The following PCDHA11 variants were observed in gnomAD, a reference collection of about 807,000 sequenced individuals.
PCDHA11 encodes the protein protocadherin alpha 11.
Under a neutral mutation model 70.3 loss-of-function variants are expected in PCDHA11, and 61 were observed. The ratio of observed to expected loss-of-function variants is 0.87; its 90% CI spans 0.71 to 1.07. The LOEUF (loss-of-function observed/expected upper bound fraction) is 1.07, where lower values mean the gene tolerates loss of function less well. Ranked by LOEUF, PCDHA11 falls within the 50% of genes least tolerant of loss-of-function variation. PCDHA11 has a pLI of 0.00. For synonymous variants in PCDHA11, 633 were observed against 555.1 expected (o/e 1.14, Z -1.97); for missense variants, 1,324 against 1,237.5 (o/e 1.07, Z -1.05).
rs781960813 is a variant in PCDHA11 at position 140,883,266 on chromosome 5, A to C, written c.2391+11772A>C. On this transcript the variant is annotated intron_variant, in intron 1 of 3. Transcript: ENST00000398640. ...AAAGGAAATATTCCAATGGCGGGTCATTGTACCCTTTTGGTGGAAGTACTA... is the reference window on the plus strand; with the variant it reads ...AAAGGAAATATTCCAATGGCGGGTCCTTGTACCCTTTTGGTGGAAGTACTA... 2.7e-5 allele frequency: 43 copies of C among 1,614,082 alleles called. No individual in the cohort carries two copies. In the African/African-American group the frequency reaches 4.7e-4, roughly 18 times the overall value.
In PCDHA11 at chr5:141,010,257, G is replaced by T; in HGVS notation, c.*320G>T. On this transcript the variant is annotated 3_prime_UTR_variant, in exon 4 of 4. Coordinates refer to ENST00000398640, the MANE Select transcript of PCDHA11 (RefSeq NM_018902.5). ...AGTGAGAGGTTGGACTCTCTGCCCT[G>T]TGCTCCGGGGATCCTGTCTTGATGA... 6.4e-7 allele frequency: 1 copy of T among 1,551,794 alleles called. No homozygotes were observed. The highest frequency in any genetic ancestry group is 8.7e-7 in the Non-Finnish European group (1 of 1,147,016).
At position 141,009,773 on chromosome 5, in the gene PCDHA11, A is replaced by C. The variant is rs782087059; in HGVS notation, c.2686A>C (p.Ile896Leu). ...KFIIPGSPAI[I>L]SIRQEPTNSQ... is the part of the protein sequence containing the mutation. ...CATTATCCCAGGATCTCCTGCAATC[A>C]TCTCCATCCGGCAGGAGCCTACTAA... Residue 896 changes from isoleucine to leucine, a missense_variant, in exon 4 of 4, where the codon ATC becomes CTC. Physicochemically the swap from Ile to Leu is conservative, Grantham distance 5. Transcript: ENST00000398640. 1 of 1,614,128 alleles carries C rather than the reference A, an allele frequency of 6.2e-7. No individual in the cohort carries two copies. Among genetic ancestry groups the C allele is most frequent in the East Asian group, 2.2e-5 (1 of 44,878 alleles).
At chr5:140,972,001 A>G (rs2096512667) in intron 1 of PCDHA11, among the ~76,000 whole-genome samples, 1 of 152,202 alleles carries the variant, frequency 6.6e-6, no homozygotes, top group African/African-American at 2.4e-5. Context: ...CAATGTTTAT[A>G]TTCCCTTTTA....
In PCDHA11 at chr5:140,869,686, A is replaced by T. The variant is rs782130952; in HGVS notation, c.583A>T (p.Ile195Phe). ...TAAGCAGATTAAAAGACTGTCACTT[A>T]TTTTAAAGAAGTCTCTGGATAGAGA... ...NGKQIKRLSL[I>F]LKKSLDREKT... The change falls in exon 1 of 4, where the codon ATT becomes TTT. Residue 195 changes from isoleucine (I) to phenylalanine (F), a missense_variant. Ile to Phe is a conservative substitution (Grantham distance 21, BLOSUM62 0). Transcript: ENST00000398640. The T allele has an allele frequency of 5.6e-6, 9 of 1,613,330 alleles. No homozygotes were observed. In the African/African-American group the frequency reaches 1.2e-4, roughly 22 times the overall value.
chr5:140,983,629 T>C (rs2097059537), intron 3 of PCDHA11, among the ~76,000 whole-genome samples: 1 of 152,228 alleles, frequency 6.6e-6, no homozygotes, highest in African/African-American at 2.4e-5. Flanking sequence ...TTAAGAAATG[T>C]ACCCAAGTTC....
intron 1 of PCDHA11, chr5:140,928,181 C>T (rs782130459): frequency 2.5e-6 from 4 of 1,614,186 alleles, no homozygotes; most frequent in Non-Finnish European, 3.4e-6. Flanking sequence ...ACCCGAAGGA[C>T]AATCACTGTG....
intron 1 of PCDHA11, among the ~76,000 whole-genome samples, chr5:140,965,818 A>G (rs1554227859): frequency 2.6e-5 from 4 of 152,344 alleles, no homozygotes; most frequent in African/African-American, 9.6e-5. Flanking sequence ...AGAGCATTTT[A>G]AACATTTAAA....
chr5:140,879,596 A>G (rs1324407694), intron 1 of PCDHA11, among the ~76,000 whole-genome samples: 1 of 152,240 alleles, frequency 6.6e-6, no homozygotes, highest in East Asian at 1.9e-4. Flanking sequence ...TGAAAAGTGA[A>G]AAACAATGTG....
At chr5:141,006,880 G>A (rs1554260955) in intron 3 of PCDHA11, among the ~76,000 whole-genome samples, 1 of 152,192 alleles carries the variant, frequency 6.6e-6, no homozygotes, top group Non-Finnish European at 1.5e-5. Flanking sequence ...GAGGAATCAA[G>A]AGTTTGATTT....
chr5:140,875,040 T>G (rs1369679625), intron 1 of PCDHA11, among the ~76,000 whole-genome samples: 1 of 152,234 alleles, frequency 6.6e-6, no homozygotes, highest in East Asian at 1.9e-4. Context: ...ATTTGAAAGA[T>G]TTCTACTTTG....
chr5:140,902,258 G>A (rs1389556264), intron 1 of PCDHA11, among the ~76,000 whole-genome samples: 2 of 137,592 alleles, frequency 1.5e-5, no homozygotes, highest in African/African-American at 5.6e-5. Context: ...GGCTGGTCTC[G>A]AACTCCTGGG....
intron 1 of PCDHA11, among the ~76,000 whole-genome samples, chr5:140,941,207 C>CTTCCTTTCTT (rs1563185091): frequency 3.9e-5 from 4 of 103,272 alleles, no homozygotes; most frequent in African/African-American, 1.7e-4. Context: ...TTCTTCCTTT[C>CTTCCTTTCTT]TTTCTTCCTT....
intron 1 of PCDHA11, among the ~76,000 whole-genome samples, chr5:140,895,075 A>C (rs1309295177): frequency 6.6e-6 from 1 of 152,102 alleles, no homozygotes; most frequent in Admixed American, 6.5e-5. Flanking sequence ...AATTCCTATC[A>C]GTTCCTCCTC....
chr5:140,876,455 C>G, intron 1 of PCDHA11: 1 of 1,613,992 alleles, frequency 6.2e-7, no homozygotes, highest in Non-Finnish European at 8.5e-7. Context: ...AAAGGGATTC[C>G]TTCCATGGCA....
intron 1 of PCDHA11, among the ~76,000 whole-genome samples, chr5:140,932,053 C>T (rs1358715698): frequency 6.6e-6 from 1 of 151,780 alleles, no homozygotes; most frequent in Non-Finnish European, 1.5e-5. Flanking sequence ...GCCTGTAATA[C>T]TAAAAATTAT....
At position 140,888,063 on chromosome 5, in the gene PCDHA11, T is replaced by A. The variant is rs1412671068; in HGVS notation, c.2391+16569T>A. On this transcript the variant is annotated intron_variant, in intron 1 of 3. Coordinates refer to ENST00000398640, the MANE Select transcript of PCDHA11 (RefSeq NM_018902.5). Reference sequence around the variant, plus strand: ...TGTATAATAGATGTTTTAACTTTCTTGTCTGCTAATTTCAACATTTTTGTC... The same window carrying A: ...TGTATAATAGATGTTTTAACTTTCTAGTCTGCTAATTTCAACATTTTTGTC... Among the ~76,000 whole-genome samples the A allele has an allele frequency of 2.0e-5, 3 of 152,238 alleles. No homozygotes were observed. In the East Asian group the frequency reaches 5.8e-4, roughly 29 times the overall value.
At chr5:140,927,316 C>A in intron 1 of PCDHA11, 1 of 1,614,198 alleles carries the variant, frequency 6.2e-7, no homozygotes, top group Non-Finnish European at 8.5e-7. Flanking sequence ...GCCCGGAGCC[C>A]GCTTTACTCT....
At chr5:140,928,466 T>C in intron 1 of PCDHA11, 13 of 1,614,140 alleles carry the variant, frequency 8.1e-6, no homozygotes, top group Non-Finnish European at 1.1e-5. Context: ...CATTTCCAAG[T>C]AGAAGGCCGG....
chr5:140,990,232 C>T (rs983376308), intron 3 of PCDHA11, among the ~76,000 whole-genome samples: 4 of 152,054 alleles, frequency 2.6e-5, no homozygotes, highest in Non-Finnish European at 4.4e-5. Flanking sequence ...TTGTAACTAG[C>T]GTTGTATTCC....
Sources: allele counts gnomAD v4.1 joint callset (sites outside exome capture counted in the v4.1 genomes callset), GRCh38; gene constraint gnomAD v4.1.1; transcripts MANE v1.5; gene names NCBI Gene and HGNC (gene_info 2026-07-23, HGNC 2026-07-21).